The following EXOSC4 variants were observed in gnomAD, a reference collection of about 807,000 sequenced individuals.
The protein encoded by EXOSC4 is exosome component 4.
Under a neutral mutation model 20.0 loss-of-function variants are expected in EXOSC4, and 14 were observed. The ratio of observed to expected loss-of-function variants is 0.70; its 90% CI spans 0.46 to 1.09. EXOSC4 has a LOEUF of 1.09. Ranked by LOEUF, EXOSC4 falls within the 50% of genes least tolerant of loss-of-function variation. The probability of loss-of-function intolerance (pLI) is 0.00; values close to 1 mark genes in which losing one functional copy is unlikely to be tolerated. For synonymous variants in EXOSC4, 148 were observed against 146.4 expected (o/e 1.01, Z -0.08); for missense variants, 337 against 334.0 (o/e 1.01, Z -0.07).
chr8:144,075,651 A>C (rs1197242414), upstream of EXOSC4, among the ~76,000 whole-genome samples: 2 of 152,196 alleles, frequency 1.3e-5, no homozygotes, highest in African/African-American at 2.4e-5. Flanking sequence ...TGGGATTACA[A>C]GCGCGAGCAC....
At chr8:144,071,081 CAG>C in the EXOSC4 span, among the ~76,000 whole-genome samples, 1 of 152,004 alleles carries the variant, frequency 6.6e-6, no homozygotes, top group Non-Finnish European at 1.5e-5. Flanking sequence ...CATGAAAAAA[CAG>C]CAGCAAAATC....
upstream of EXOSC4, chr8:144,077,887 G>A (rs1312968665): frequency 6.6e-6 from 1 of 152,262 alleles, no homozygotes; most frequent in Non-Finnish European, 1.5e-5. Context: ...AAGATGTGAG[G>A]GAGAAAGCTT....
chr8:144,078,589 G>T, upstream of EXOSC4: 2 of 945,932 alleles, frequency 2.1e-6, no homozygotes, highest in Non-Finnish European at 2.9e-6. This position sits in a 1 kb window ranked among gnomAD's most constrained non-coding sequence, Gnocchi z 4.7. Context: ...CAGGGCCGCG[G>T]AGAGCTGTAG....
chr8:144,079,961 C>T lies in EXOSC4; in HGVS notation c.190C>T (p.Arg64Ter). 1 of 1,614,002 alleles carries T rather than the reference C, an allele frequency of 6.2e-7. No homozygotes were observed. The highest frequency in any genetic ancestry group is 8.5e-7 in the Non-Finnish European group (1 of 1,180,026). The change falls in exon 2 of 3, where the codon CGA (arginine) becomes TGA (stop). Residue 64 changes from arginine to a stop codon, truncating the protein, a stop_gained. Transcript: ENST00000316052. LOFTEE classifies it high-confidence loss of function. Reference sequence around the variant, plus strand: ...CTTCCAGATCCGGGGCTCCCGGGCTCGAGCCCTGCCGGACAGGGCCCTAGT... The same window carrying T: ...CTTCCAGATCCGGGGCTCCCGGGCTTGAGCCCTGCCGGACAGGGCCCTAGT... Reference protein sequence around the residue: ...GPHEIRGSRARALPDRALVNC... With the variant: ...GPHEIRGSRA
rs1201883832 is a variant in EXOSC4, at chr8:144,080,240, A to C, written c.379-2A>C. On this transcript the variant is annotated splice_acceptor_variant, in intron 2 of 2. Coordinates refer to ENST00000316052, the MANE Select transcript of EXOSC4 (RefSeq NM_019037.3). LOFTEE classifies it high-confidence loss of function. The surrounding 1 kb of genome is among the most constrained non-coding windows in gnomAD (Gnocchi z 4.9). ...TAGACTGACACCCTGGGTTCCCTGC[A>C]GGTGCTACAGGCAGATGGTGGGACC... is the stretch of plus-strand genomic sequence containing the variant. 2 of 1,612,530 alleles carry C rather than the reference A, an allele frequency of 1.2e-6. No homozygotes were observed. The highest frequency in any genetic ancestry group is 1.7e-6 in the Non-Finnish European group (2 of 1,179,022).
the EXOSC4 span, among the ~76,000 whole-genome samples, chr8:144,072,545 C>T: frequency 6.6e-6 from 1 of 152,142 alleles, no homozygotes; most frequent in Non-Finnish European, 1.5e-5. Flanking sequence ...TCTTTACCAC[C>T]ACCCCGCAAC....
the EXOSC4 span, among the ~76,000 whole-genome samples, chr8:144,067,867 A>G: frequency 6.6e-6 from 1 of 152,204 alleles, no homozygotes; most frequent in Admixed American, 6.5e-5. Context: ...TTAGCCGGGC[A>G]TGGTGGCAGA....
chr8:144,074,390 A>C (rs535559067), upstream of EXOSC4, among the ~76,000 whole-genome samples: 96 of 152,186 alleles, frequency 6.3e-4, no homozygotes, highest in African/African-American at 2.2e-3. Flanking sequence ...CAGTTATGCT[A>C]TCGCTAGTCA....
At chr8:144,076,844 T>C (rs1374007614), upstream of EXOSC4, among the ~76,000 whole-genome samples, 1 of 152,088 alleles carries the variant, frequency 6.6e-6, no homozygotes, top group African/African-American at 2.4e-5. Flanking sequence ...GGCAGGTGGA[T>C]CACCTGAGGT....
chr8:144,074,549 T>G (rs572732736), upstream of EXOSC4, among the ~76,000 whole-genome samples: 14 of 152,216 alleles, frequency 9.2e-5, 1 homozygote, highest in Middle Eastern at 0.01. Context: ...TTCATTTTTT[T>G]GGGGCGGGGG....
the EXOSC4 span, among the ~76,000 whole-genome samples, chr8:144,072,599 T>C: frequency 6.6e-6 from 1 of 152,198 alleles, no homozygotes; most frequent in Non-Finnish European, 1.5e-5. Flanking sequence ...ATGATTCTAT[T>C]GTCTACCTCC....
At chr8:144,078,415 C>G (rs1269883287), upstream of EXOSC4, 2 of 245,718 alleles carry the variant, frequency 8.1e-6, no homozygotes, top group Non-Finnish European at 1.6e-5. The surrounding 1 kb of genome is among the most constrained non-coding windows in gnomAD (Gnocchi z 4.7). Context: ...GGCTGCGGGC[C>G]CAGCCGCTGC....
At chr8:144,064,843 T>C in the EXOSC4 span, among the ~76,000 whole-genome samples, 1 of 149,306 alleles carries the variant, frequency 6.7e-6, no homozygotes, top group Non-Finnish European at 1.5e-5. Flanking sequence ...AATCTGTCTT[T>C]TTTTTTTTTT....
Position 144,078,847 on chromosome 8 carries a change from A to C in EXOSC4, c.119A>C (p.Tyr40Ser). 6.3e-7 allele frequency: 1 copy of C among 1,577,220 alleles called. No homozygotes were observed. The highest frequency in any genetic ancestry group is 2.5e-5 in the East Asian group (1 of 40,264). ...TTCGCGCAGGCTGACGGCTCGGCCTACATTGAGCAGGGCAACACCAAGGCA... is the reference window on the plus strand; with the variant it reads ...TTCGCGCAGGCTGACGGCTCGGCCTCCATTGAGCAGGGCAACACCAAGGCA... The part of the protein sequence containing the change: ...GVFAQADGSA[Y>S]IEQGNTKALA... The change falls in exon 1 of 3, where the codon TAC (tyrosine) becomes TCC (serine). Residue 40 changes from tyrosine to serine, a missense_variant. Physicochemically the swap from Tyr to Ser is moderately radical, Grantham distance 144. Transcript: ENST00000316052. The surrounding 1 kb of genome is among the most constrained non-coding windows in gnomAD (Gnocchi z 4.7).
the EXOSC4 span, among the ~76,000 whole-genome samples, chr8:144,069,164 C>T: frequency 1.3e-5 from 2 of 152,258 alleles, no homozygotes; most frequent in Admixed American, 6.5e-5. Context: ...AAGGATCCTG[C>T]AGATACTGCA....
the EXOSC4 span, among the ~76,000 whole-genome samples, chr8:144,068,236 C>T: frequency 7.9e-5 from 12 of 152,188 alleles, no homozygotes; most frequent in African/African-American, 2.7e-4. Context: ...TGGCCACTCC[C>T]TTCAGCATAA....
chr8:144,076,229 C>T (rs1554762688), upstream of EXOSC4, among the ~76,000 whole-genome samples: 16 of 152,190 alleles, frequency 1.1e-4, no homozygotes, highest in Non-Finnish European at 1.5e-5. Flanking sequence ...AGCTTCTTCC[C>T]GTGGAGTCCA....
At chr8:144,075,394 T>C (rs1835827684), upstream of EXOSC4, among the ~76,000 whole-genome samples, 1 of 152,136 alleles carries the variant, frequency 6.6e-6, no homozygotes, top group African/African-American at 2.4e-5. Flanking sequence ...GCCCGGCTAA[T>C]TTTTGATATT....
Position 144,080,570 on chromosome 8 carries a change from T to C in EXOSC4, c.707T>C (p.Val236Ala), listed in dbSNP as rs113485259. The C allele has an allele frequency of 1.6e-5, 26 of 1,599,600 alleles. No individual in the cohort carries two copies. In the African/African-American group the frequency reaches 1.9e-4, roughly 11 times the overall value. ...TTAGATCGAGTGGTCCGGCAGCATG[T>C]GCGTGAGGCCTCTATCTTGCTGGGG... ...TLLDRVVRQH[V>A]REASILLGD The change falls in exon 3 of 3, where the codon GTG becomes GCG. Residue 236 changes from valine to alanine, a missense_variant. By Grantham distance (64) the Val-to-Ala change is moderately conservative. Coordinates refer to ENST00000316052, the MANE Select transcript of EXOSC4 (RefSeq NM_019037.3). The surrounding 1 kb of genome is among the most constrained non-coding windows in gnomAD (Gnocchi z 4.9).
Sources: allele counts gnomAD v4.1 joint callset (sites outside exome capture counted in the v4.1 genomes callset), GRCh38; gene constraint gnomAD v4.1.1; non-coding constraint Gnocchi (gnomAD v3.1); transcripts MANE v1.5; gene names NCBI Gene and HGNC (gene_info 2026-07-23, HGNC 2026-07-21).